MSH3: variants seen among roughly 807,000 people sequenced by gnomAD.
MSH3 encodes DNA mismatch repair protein Msh3.
Under a neutral mutation model 123.3 loss-of-function variants are expected in MSH3, and 106 were observed. The observed-to-expected ratio is 0.86, with a 90% CI of 0.73 to 1.01. MSH3 has a LOEUF of 1.01. Ranked by LOEUF, MSH3 falls within the 50% of genes least tolerant of loss-of-function variation. The pLI is 0.00. For synonymous variants in MSH3, 515 were observed against 481.4 expected (o/e 1.07, Z -0.91); for missense variants, 1,459 against 1,347.6 (o/e 1.08, Z -1.29).
intron 19 of MSH3, among the ~76,000 whole-genome samples, chr5:80,794,733 A>G (rs1239140458): frequency 6.6e-6 from 1 of 152,204 alleles, no homozygotes; most frequent in East Asian, 1.9e-4. Context: ...GTTGAAATCT[A>G]AGATAACAGC....
intron 15 of MSH3, among the ~76,000 whole-genome samples, 179 bp downstream of exon 15, chr5:80,769,182 T>C (rs1190392658): frequency 2.0e-5 from 3 of 152,146 alleles, no homozygotes; most frequent in Non-Finnish European, 4.4e-5. Context: ...GATAGTGTTT[T>C]ATTAGTCTCT....
intron 19 of MSH3, among the ~76,000 whole-genome samples, chr5:80,806,661 C>T (rs1386522391): frequency 6.6e-6 from 1 of 151,992 alleles, no homozygotes; most frequent in Non-Finnish European, 1.5e-5. Flanking sequence ...AGGGAAAGTT[C>T]TCCCCTCCTA....
chr5:80,828,920 T>G (rs1244609708), intron 20 of MSH3, among the ~76,000 whole-genome samples: 2 of 152,224 alleles, frequency 1.3e-5, no homozygotes, highest in Non-Finnish European at 2.9e-5. Flanking sequence ...AACAGTCAAG[T>G]GCCTGCAGCT....
At chr5:80,721,753 AAAC>A (rs765001755) in intron 8 of MSH3, among the ~76,000 whole-genome samples, 4 of 152,230 alleles carry the variant, frequency 2.6e-5, no homozygotes, top group Non-Finnish European at 5.9e-5. Flanking sequence ...ATCTAACAAA[AAAC>A]AACAATTATT....
rs1292940873 is a variant in MSH3, at chr5:80,715,342, T to G, written c.1341-10111T>G. 2.6e-5 allele frequency: 4 copies of G among 152,146 alleles called. No homozygotes were observed. The South Asian group carries it at 6.2e-4, about 24-fold the overall frequency. The allele number at this position is 152,146 out of a possible 1,614,324, so 9.4% of individuals were successfully genotyped here. ...GTGAGCAGAGCCATTTCACACCAGG[T>G]GATCGGGGAAAGTTTCACTGAGATG... On this transcript the variant is annotated intron_variant, in intron 8 of 23. Transcript: ENST00000265081.
chr5:80,692,463 T>C (rs1750310852), intron 8 of MSH3, among the ~76,000 whole-genome samples: 1 of 47,550 alleles, frequency 2.1e-5, no homozygotes, highest in Non-Finnish European at 3.6e-5. Flanking sequence ...TAGATAAACA[T>C]GTATATGTTT....
At chr5:80,690,400 TG>T (rs1256739452) in intron 8 of MSH3, among the ~76,000 whole-genome samples, 15 of 151,920 alleles carry the variant, frequency 9.9e-5, no homozygotes, top group African/African-American at 3.6e-4. Flanking sequence ...CTCTGCCTCC[TG>T]GGTTCAAGCG....
chr5:80,669,769 A>G (rs1258235623), intron 3 of MSH3, among the ~76,000 whole-genome samples: 3 of 152,252 alleles, frequency 2.0e-5, no homozygotes, highest in Non-Finnish European at 4.4e-5. Context: ...CTTAGAATAA[A>G]TAATAAAAAG....
chr5:80,683,032 G>A (rs1214154416), intron 8 of MSH3, among the ~76,000 whole-genome samples: 1 of 152,130 alleles, frequency 6.6e-6, no homozygotes, highest in East Asian at 1.9e-4. Context: ...GCAAATGACA[G>A]GATCTCATTC....
intron 19 of MSH3, among the ~76,000 whole-genome samples, chr5:80,805,335 A>G (rs1296938183): frequency 1.3e-5 from 2 of 152,166 alleles, no homozygotes; most frequent in Non-Finnish European, 2.9e-5. Context: ...GGTGGTGGAA[A>G]AAACTTCTCC....
intron 20 of MSH3, among the ~76,000 whole-genome samples, chr5:80,814,621 A>G (rs968776559): frequency 2.6e-5 from 4 of 152,226 alleles, no homozygotes; most frequent in Non-Finnish European, 4.4e-5. Flanking sequence ...ATTTAAGCAG[A>G]TAAAAACAGA....
At chr5:80,858,926 G>A (rs987155892) in intron 21 of MSH3, among the ~76,000 whole-genome samples, 3 of 151,700 alleles carry the variant, frequency 2.0e-5, no homozygotes, top group Non-Finnish European at 1.5e-5. Context: ...ATGTCTTCTT[G>A]GACATAAGAC....
At chr5:80,865,030 A>G (rs1399836371) in intron 22 of MSH3, 88 bp downstream of exon 22, 4 of 1,288,950 alleles carry the variant, frequency 3.1e-6, no homozygotes, top group Non-Finnish European at 4.5e-6. Context: ...ACTGCTTATT[A>G]ATAATGAAAG....
At chr5:80,749,645 A>T (rs1020773645) in intron 12 of MSH3, among the ~76,000 whole-genome samples, 18 of 152,362 alleles carry the variant, frequency 1.2e-4, no homozygotes, top group Middle Eastern at 3.4e-3. Flanking sequence ...ATTTCATTAC[A>T]TATATACATT....
chr5:80,744,422 A>G (rs1380334629), intron 11 of MSH3, 84 bp from the exon 12 acceptor site: 6 of 937,252 alleles, frequency 6.4e-6, no homozygotes, highest in Middle Eastern at 6.0e-4. Context: ...GGTATATATG[A>G]CATTTAGAAT....
At position 80,778,846 on chromosome 5, in the gene MSH3, C is replaced by G. The variant is rs1332538228; in HGVS notation, c.2435+10C>G. The stretch of plus-strand genomic sequence containing the variant: ...GGCTTGATTTTCTAGAGTGAGTTTA[C>G]AATGAAAAAATATAATCTGACTTTT... On this transcript the variant is annotated intron_variant, in intron 17 of 23. Transcript: ENST00000265081. The G allele has an allele frequency of 2.8e-6, 4 of 1,424,474 alleles. No homozygotes were observed. In the South Asian group the frequency reaches 4.6e-5, roughly 16 times the overall value. 88.2% of individuals were successfully genotyped at this position (1,424,474 alleles called of 1,614,324 possible). A position where few individuals can be genotyped will look rare whatever the true frequency, so the allele number is the denominator to read the frequency against.
At chr5:80,736,139 T>G (rs1398687588) in intron 10 of MSH3, among the ~76,000 whole-genome samples, 1 of 151,852 alleles carries the variant, frequency 6.6e-6, no homozygotes, top group South Asian at 2.1e-4. Context: ...GGCGGGAGAA[T>G]TGCTTGAAAC....
At chr5:80,656,606 C>T (rs1030076866) in intron 2 of MSH3, 75 bp downstream of exon 2, 3 of 1,595,936 alleles carry the variant, frequency 1.9e-6, no homozygotes, top group African/African-American at 1.3e-5. Context: ...GGCAGAAGAG[C>T]GTATTAGAAT....
chr5:80,834,098 A>G (rs1274146522), intron 20 of MSH3, among the ~76,000 whole-genome samples: 1 of 152,158 alleles, frequency 6.6e-6, no homozygotes, highest in African/African-American at 2.4e-5. Context: ...GTATTTCTTC[A>G]GTGTGTATTC....
Sources: allele counts gnomAD v4.1 joint callset (sites outside exome capture counted in the v4.1 genomes callset), GRCh38; gene constraint gnomAD v4.1.1; transcripts MANE v1.5; gene names NCBI Gene and HGNC (gene_info 2026-07-23, HGNC 2026-07-21).